MARCHF8: variants seen among roughly 807,000 people sequenced by gnomAD.
MARCHF8 encodes E3 ubiquitin-protein ligase MARCHF8.
MARCHF8 carries 40 observed loss-of-function variants against 51.6 expected under a neutral mutation model. The ratio of observed to expected loss-of-function variants is 0.77; its 90% confidence interval spans 0.60 to 1.01. MARCHF8 has a LOEUF of 1.01. Among genes scored for constraint, MARCHF8 ranks in the 50% least tolerant of loss-of-function variants. The pLI is 0.00. For synonymous variants in MARCHF8, 263 were observed against 280.3 expected (o/e 0.94, Z 0.62); for missense variants, 685 against 708.6 (o/e 0.97, Z 0.38).
chr10:45,492,231 G>C (rs985002375), intron 2 of MARCHF8, among the ~76,000 whole-genome samples: 1 of 152,046 alleles, frequency 6.6e-6, no homozygotes, highest in Non-Finnish European at 1.5e-5. Flanking sequence ...TTCAGTTCCA[G>C]CAGACCAGAT....
intron 1 of MARCHF8, among the ~76,000 whole-genome samples, chr10:45,563,865 A>C (rs1564517667): frequency 6.6e-6 from 1 of 152,258 alleles, no homozygotes; most frequent in Non-Finnish European, 1.5e-5. Flanking sequence ...ACCAGTCAAA[A>C]GTTAACAAGA....
intron 1 of MARCHF8, among the ~76,000 whole-genome samples, chr10:45,561,893 T>A: frequency 9.6e-6 from 1 of 103,824 alleles, no homozygotes; most frequent in Non-Finnish European, 1.8e-5. Flanking sequence ...GGAGCAAGAC[T>A]CCGTCTCAAA....
At chr10:45,476,249 G>A (rs1456031005) in intron 3 of MARCHF8, among the ~76,000 whole-genome samples, 1 of 152,056 alleles carries the variant, frequency 6.6e-6, no homozygotes, top group Non-Finnish European at 1.5e-5. Flanking sequence ...CCCAAAAAAA[G>A]AATTCAAAAT....
intron 3 of MARCHF8, among the ~76,000 whole-genome samples, chr10:45,478,190 T>C (rs1054905875): frequency 2.6e-5 from 4 of 152,166 alleles, no homozygotes; most frequent in African/African-American, 4.8e-5. Flanking sequence ...TTTTTAAAAA[T>C]TGAAATCATG....
At chr10:45,487,378 T>C (rs1321200427) in intron 3 of MARCHF8, among the ~76,000 whole-genome samples, 12 of 152,192 alleles carry the variant, frequency 7.9e-5, no homozygotes, top group Admixed American at 7.9e-4. Flanking sequence ...AAGCATAGGA[T>C]GTCCTCCTTC....
chr10:45,456,032 A>G lies in MARCHF8; in HGVS notation c.*2207T>C, dbSNP rs1462585283. 6.6e-5 allele frequency: 10 copies of G among 152,356 alleles called. No homozygotes were observed. In the East Asian group the frequency reaches 1.9e-3, roughly 29 times the overall value. The allele number at this position is 152,356 out of a possible 1,614,324, so 9.4% of individuals were successfully genotyped here. On this transcript the variant is annotated 3_prime_UTR_variant, in exon 8 of 8. Transcript: ENST00000453424. ...AGTCTTGGTGCTTTTCAAGTTCAGCATAAGGGGTTCCATATGTGAAGTGGG... is the reference window on the plus strand; with the variant it reads ...AGTCTTGGTGCTTTTCAAGTTCAGCGTAAGGGGTTCCATATGTGAAGTGGG...
upstream of MARCHF8, among the ~76,000 whole-genome samples, chr10:45,536,203 T>C (rs944388670): frequency 6.6e-6 from 1 of 152,094 alleles, no homozygotes; most frequent in African/African-American, 2.4e-5. Flanking sequence ...GGAATATGAA[T>C]AGATATATCA....
chr10:45,574,964 T>C (rs1256085135), intron 1 of MARCHF8, among the ~76,000 whole-genome samples: 2 of 129,940 alleles, frequency 1.5e-5, no homozygotes, highest in Non-Finnish European at 3.2e-5. Flanking sequence ...TGCTGTTATA[T>C]AGGCAAAAAA....
chr10:45,483,454 T>C lies in MARCHF8; in HGVS notation c.153+5913A>G, dbSNP rs193291166. Among the ~76,000 whole-genome samples, 285 of 152,318 alleles carry C rather than the reference T, an allele frequency of 1.9e-3. 1 individual carries two copies. Among genetic ancestry groups the C allele is most frequent in the Non-Finnish European group, 3.2e-3 (217 of 68,028 alleles). ...GGATGCAGAGAAAAGGGAACTCTTA[T>C]GTATTGTTGGTGGGAATGCAAATTA... On this transcript the variant is annotated intron_variant, in intron 3 of 7. Coordinates refer to ENST00000453424, the MANE Select transcript of MARCHF8 (RefSeq NM_001282866.2).
chr10:45,562,612 C>T (rs551349505), intron 1 of MARCHF8, among the ~76,000 whole-genome samples: 2 of 152,088 alleles, frequency 1.3e-5, no homozygotes, highest in African/African-American at 4.8e-5. Context: ...CAGATGATCA[C>T]TAAAGAAACC....
At chr10:45,534,137 C>T (rs541461679) in intron 1 of MARCHF8, among the ~76,000 whole-genome samples, 5 of 152,020 alleles carry the variant, frequency 3.3e-5, no homozygotes, top group East Asian at 1.9e-4. Flanking sequence ...GAGCCAAGAT[C>T]GCACCACTGC....
intron 3 of MARCHF8, among the ~76,000 whole-genome samples, chr10:45,464,736 C>T (rs1417417473): frequency 2.0e-5 from 3 of 152,182 alleles, no homozygotes; most frequent in Non-Finnish European, 2.9e-5. Flanking sequence ...CCAAGATCAA[C>T]AAGGCTGGTA....
chr10:45,465,673 C>T (rs1842942868), intron 3 of MARCHF8, among the ~76,000 whole-genome samples: 1 of 152,226 alleles, frequency 6.6e-6, no homozygotes, highest in Admixed American at 6.5e-5. Context: ...TGCAGAGATT[C>T]AACAGCACTT....
At chr10:45,555,743 C>CAAAAAAA (rs34811393) in intron 1 of MARCHF8, among the ~76,000 whole-genome samples, 3 of 96,146 alleles carry the variant, frequency 3.1e-5, no homozygotes, top group Admixed American at 1.2e-4. Flanking sequence ...GACCCTGTCT[C>CAAAAAAA]AAAAAAAAAA....
intron 3 of MARCHF8, among the ~76,000 whole-genome samples, chr10:45,470,268 C>G (rs1039023865): frequency 6.6e-6 from 1 of 152,174 alleles, no homozygotes; most frequent in Non-Finnish European, 1.5e-5. Flanking sequence ...GGGAGGACTG[C>G]GTTTACACAT....
chr10:45,515,435 T>G (rs1324073391), intron 2 of MARCHF8, among the ~76,000 whole-genome samples: 1 of 152,222 alleles, frequency 6.6e-6, no homozygotes, highest in East Asian at 1.9e-4. Context: ...TCTAATTTAT[T>G]TGTTGTTCTG....
At chr10:45,556,074 C>CA (rs2044249017) in intron 1 of MARCHF8, among the ~76,000 whole-genome samples, 1 of 151,928 alleles carries the variant, frequency 6.6e-6, no homozygotes, top group Non-Finnish European at 1.5e-5. Context: ...TGTTTCAAAG[C>CA]AAAAAAATCA....
At chr10:45,496,234 A>G (rs1039358807) in intron 2 of MARCHF8, among the ~76,000 whole-genome samples, 8 of 152,194 alleles carry the variant, frequency 5.3e-5, no homozygotes, top group African/African-American at 1.7e-4. Flanking sequence ...CTGTGTAACT[A>G]TAAGACAATA....
intron 1 of MARCHF8, among the ~76,000 whole-genome samples, chr10:45,558,516 A>G (rs1461572642): frequency 1.3e-5 from 2 of 152,244 alleles, no homozygotes; most frequent in African/African-American, 2.4e-5. Flanking sequence ...AGCAGCACGG[A>G]AAGCAGCAGC....
Sources: gnomAD v4.1 joint callset for allele counts (sites outside exome capture counted in the v4.1 genomes callset) on GRCh38, gnomAD v4.1.1 for gene constraint, MANE v1.5 for transcripts, NCBI Gene and HGNC (gene_info 2026-07-23, HGNC 2026-07-21) for gene names.